Variants in FRMD4A observed in about 807,000 individuals in gnomAD.
FRMD4A encodes the protein FERM domain containing 4A.
In FRMD4A, 29 loss-of-function variants were observed where a neutral mutation model predicts 129.1. That is an observed-to-expected ratio of 0.22 (90% CI 0.17 to 0.31). The LOEUF (loss-of-function observed/expected upper bound fraction) is 0.31, where lower values mean the gene tolerates loss of function less well. Among genes scored for constraint, FRMD4A ranks in the 10% least tolerant of loss-of-function variants. FRMD4A has a pLI of 1.00. For synonymous variants in FRMD4A, 634 were observed against 571.6 expected (o/e 1.11, Z -1.56); for missense variants, 1,272 against 1,375.8 (o/e 0.92, Z 1.19).
chr10:13,907,754 G>A lies in FRMD4A; in HGVS notation c.46-48842C>T, dbSNP rs184129226. Among the ~76,000 whole-genome samples, 186 of 152,088 alleles carry A rather than the reference G, an allele frequency of 1.2e-3. 2 individuals are homozygous for A. Among genetic ancestry groups the A allele is most frequent in the South Asian group, 3.7e-3 (18 of 4,820 alleles). ...CACCTGCCAGGATCAGTGGAAAGTT[G>A]CTGCTAGATCAAATATTTACACACT... On this transcript the variant is annotated intron_variant, in intron 2 of 24. Coordinates refer to ENST00000357447, the MANE Select transcript of FRMD4A (RefSeq NM_018027.5).
intron 2 of FRMD4A, among the ~76,000 whole-genome samples, chr10:14,305,735 G>A (rs773055676): frequency 4.0e-5 from 6 of 151,860 alleles, no homozygotes; most frequent in African/African-American, 7.3e-5. Flanking sequence ...CTAAATGCCC[G>A]TCAATGACAG....
At chr10:13,709,880 G>T (rs1401858408) in intron 12 of FRMD4A, among the ~76,000 whole-genome samples, 3 of 150,726 alleles carry the variant, frequency 2.0e-5, no homozygotes, top group Non-Finnish European at 4.4e-5. Flanking sequence ...GTTGCTATAC[G>T]CTTTTTAAAA....
intron 2 of FRMD4A, among the ~76,000 whole-genome samples, chr10:14,167,827 G>A (rs1444893914): frequency 6.6e-6 from 1 of 152,092 alleles, no homozygotes; most frequent in Non-Finnish European, 1.5e-5. Context: ...ACAGAGAGGA[G>A]AGCGCGCTGT....
chr10:13,731,371 G>A (rs1191585475), intron 12 of FRMD4A, among the ~76,000 whole-genome samples: 2 of 152,108 alleles, frequency 1.3e-5, no homozygotes, highest in African/African-American at 4.8e-5. Context: ...CATCTTGGCC[G>A]GGCGCAGTGG....
intron 2 of FRMD4A, among the ~76,000 whole-genome samples, chr10:13,862,168 C>T (rs2094303763): frequency 6.6e-6 from 1 of 152,214 alleles, no homozygotes; most frequent in Non-Finnish European, 1.5e-5. Flanking sequence ...GAAAGAAATG[C>T]TGTTTGTTTT....
In FRMD4A at chr10:14,299,736, G is replaced by C. The variant is rs17155027; in HGVS notation, c.45+30322C>G. On this transcript the variant is annotated intron_variant, in intron 2 of 24. Transcript: ENST00000357447. ...ACAAGACACATCAACTACCAGAAAG[G>C]AGCCAGTAGCCTGAAGGGAATTCAG... Among the ~76,000 whole-genome samples the C allele has an allele frequency of 6.7e-3, 1,015 of 152,258 alleles. 20 individuals are homozygous for C. The East Asian group carries it at 0.067, about 10-fold the overall frequency.
At chr10:13,677,433 C>A (rs376279842) in intron 15 of FRMD4A, among the ~76,000 whole-genome samples, 7 of 152,308 alleles carry the variant, frequency 4.6e-5, no homozygotes, top group East Asian at 1.9e-4. Flanking sequence ...TGGAACCTAC[C>A]TTCCGAGCTT....
chr10:13,947,606 G>A (rs529849639), intron 2 of FRMD4A, among the ~76,000 whole-genome samples: 1 of 147,492 alleles, frequency 6.8e-6, no homozygotes, highest in Admixed American at 6.8e-5. Flanking sequence ...ACACACACAC[G>A]TGCACACACA....
intron 2 of FRMD4A, among the ~76,000 whole-genome samples, chr10:14,300,495 T>A (rs1049706147): frequency 2.6e-5 from 4 of 152,200 alleles, no homozygotes; most frequent in African/African-American, 9.7e-5. Context: ...AACTAGCAAT[T>A]GATGTTATCT....
intron 18 of FRMD4A, among the ~76,000 whole-genome samples, chr10:13,665,240 A>C (rs2082931155): frequency 6.6e-6 from 1 of 151,936 alleles, no homozygotes; most frequent in African/African-American, 2.4e-5. Flanking sequence ...CGTAACCGTC[A>C]CCACCATCCA....
At chr10:13,678,216 A>T (rs1040607010) in intron 15 of FRMD4A, among the ~76,000 whole-genome samples, 2 of 152,166 alleles carry the variant, frequency 1.3e-5, no homozygotes, top group Non-Finnish European at 2.9e-5. Context: ...GGCAGACTAG[A>T]TGGCTCAAGA....
intron 2 of FRMD4A, among the ~76,000 whole-genome samples, chr10:14,130,723 A>T (rs1331090598): frequency 6.6e-6 from 1 of 152,246 alleles, no homozygotes; most frequent in African/African-American, 2.4e-5. Flanking sequence ...CATAAGCCGT[A>T]CAAGCTAAGC....
In FRMD4A at chr10:13,674,976, C is replaced by T. The variant is rs372988841; in HGVS notation, c.1186G>A (p.Glu396Lys). The stretch of plus-strand genomic sequence containing the variant: ...TGACGCAGGGTTTCCTCCAGAGCTT[C>T]CTGCCTGGACTTCAAGGCAGCCAGC... ...DMLAALKSRQEALEETLRQRL... is the reference protein window; with the variant it reads ...DMLAALKSRQKALEETLRQRL... The change falls in exon 16 of 25, where the codon GAA becomes AAA. Residue 396 changes from glutamate to lysine, a missense_variant. By Grantham distance (56) the Glu-to-Lys change is moderately conservative. This residue lies in a region of FRMD4A where 972 missense variants were observed against 892.3 expected (regional missense o/e 1.09). Transcript: ENST00000357447. 57 of 1,613,748 alleles carry T rather than the reference C, an allele frequency of 3.5e-5. No individual in the cohort carries two copies. The highest frequency in any genetic ancestry group is 4.7e-5 in the Non-Finnish European group (56 of 1,179,624).
chr10:14,034,171 C>T (rs543284837), intron 2 of FRMD4A, among the ~76,000 whole-genome samples: 1 of 152,168 alleles, frequency 6.6e-6, no homozygotes, highest in Non-Finnish European at 1.5e-5. Context: ...GAGGTCATGG[C>T]ACTGTGTACC....
In FRMD4A at chr10:13,654,702, GC is replaced by G. The variant is rs548615769; in HGVS notation, c.2954-191del. 953 of 590,238 alleles carry G rather than the reference GC, an allele frequency of 1.6e-3. 9 individuals are homozygous for G. The highest frequency in any genetic ancestry group is 0.013 in the South Asian group (632 of 48,292). 36.6% of individuals were successfully genotyped at this position (590,238 alleles called of 1,614,324 possible). A position where few individuals can be genotyped will look rare whatever the true frequency, so the allele number is the denominator to read the frequency against. On this transcript the variant is annotated intron_variant, in intron 22 of 24. Coordinates refer to ENST00000357447, the MANE Select transcript of FRMD4A (RefSeq NM_018027.5). ...TCACAGTGGGCAACCATCTCTACAT[GC>G]CCCCCCAACCTCTGCATCCCACCCA...
intron 2 of FRMD4A, among the ~76,000 whole-genome samples, chr10:14,249,828 T>C (rs1844375058): frequency 6.6e-6 from 1 of 152,078 alleles, no homozygotes; most frequent in African/African-American, 2.4e-5. Flanking sequence ...AAACGAGAGG[T>C]TGCGTAAAAT....
At position 13,858,422 on chromosome 10, in the gene FRMD4A, C is replaced by T. The variant is rs59813612; in HGVS notation, c.111+425G>A. On this transcript the variant is annotated intron_variant, in intron 3 of 24. Coordinates refer to ENST00000357447, the MANE Select transcript of FRMD4A (RefSeq NM_018027.5). ...TGCACTTCAGTCTGGGCAACAAGAGCGAGACTCTGTCTCAAAACAAAACAA... is the reference window on the plus strand; with the variant it reads ...TGCACTTCAGTCTGGGCAACAAGAGTGAGACTCTGTCTCAAAACAAAACAA... Among the ~76,000 whole-genome samples, 128 of 152,162 alleles carry T rather than the reference C, an allele frequency of 8.4e-4. 1 individual carries two copies. The highest frequency in any genetic ancestry group is 3.0e-3 in the African/African-American group (126 of 41,516).
At chr10:13,843,592 G>A (rs548559545) in intron 3 of FRMD4A, among the ~76,000 whole-genome samples, 6 of 152,266 alleles carry the variant, frequency 3.9e-5, no homozygotes, top group Admixed American at 1.3e-4. Flanking sequence ...CCGCCTGCCC[G>A]GTTCAAGCAG....
intron 2 of FRMD4A, among the ~76,000 whole-genome samples, chr10:14,001,337 C>T (rs779819938): frequency 2.0e-5 from 3 of 152,162 alleles, no homozygotes; most frequent in Non-Finnish European, 4.4e-5. Context: ...TGAGGCATGA[C>T]GAGGGGACAA....
Sources: allele counts gnomAD v4.1 joint callset (sites outside exome capture counted in the v4.1 genomes callset), GRCh38; gene constraint gnomAD v4.1.1; regional missense constraint gnomAD v4.1.1; transcripts MANE v1.5; gene names NCBI Gene and HGNC (gene_info 2026-07-23, HGNC 2026-07-21).